The following NCALD variants were observed in gnomAD, a reference collection of about 807,000 sequenced individuals.
NCALD encodes neurocalcin-delta.
A neutral mutation model predicts 18.6 loss-of-function variants in NCALD; 10 were observed. The observed-to-expected ratio is 0.54, with a 90% CI of 0.33 to 0.91. The LOEUF is 0.91. NCALD is among the 40% of genes least tolerant of loss of function. The pLI is 0.03. For missense variants in NCALD, 184 were observed against 247.6 expected, an observed-to-expected ratio of 0.74 and a Z score of 1.72; for synonymous variants, 88 against 87.4, an observed-to-expected ratio of 1.01 and a Z score of -0.04.
At chr8:101,904,656 A>G (rs555725467) in intron 3 of NCALD, among the ~76,000 whole-genome samples, 1 of 151,680 alleles carries the variant, frequency 6.6e-6, no homozygotes. Context: ...TTACAATTCT[A>G]TCTCTCTCCT....
At chr8:101,844,728 G>C (rs1347850673) in intron 4 of NCALD, among the ~76,000 whole-genome samples, 1 of 152,074 alleles carries the variant, frequency 6.6e-6, no homozygotes, top group Non-Finnish European at 1.5e-5. Flanking sequence ...TATAGAGAGA[G>C]GAAAAAGTGA....
intron 4 of NCALD, among the ~76,000 whole-genome samples, chr8:101,879,418 C>G (rs1160406146): frequency 6.6e-6 from 1 of 151,944 alleles, no homozygotes; most frequent in African/African-American, 2.4e-5. Flanking sequence ...GTTCATTTCT[C>G]CCAGTGGCTT....
intron 4 of NCALD, among the ~76,000 whole-genome samples, chr8:101,804,118 C>T (rs1244868417): frequency 2.6e-5 from 4 of 151,660 alleles, no homozygotes; most frequent in Non-Finnish European, 4.4e-5. Flanking sequence ...AAGGCTCAGA[C>T]GATCATTAGT....
chr8:101,787,975 C>T (rs1415480247), intron 1 of NCALD, among the ~76,000 whole-genome samples: 1 of 152,164 alleles, frequency 6.6e-6, no homozygotes, highest in Non-Finnish European at 1.5e-5. Context: ...ATGAGTTTTC[C>T]TCTTAACCCC....
At chr8:102,077,309 G>A (rs1185607918) in intron 1 of NCALD, among the ~76,000 whole-genome samples, 1 of 152,134 alleles carries the variant, frequency 6.6e-6, no homozygotes, top group African/African-American at 2.4e-5. Flanking sequence ...CCTCCACAGG[G>A]TTCAAAATAC....
At chr8:101,699,459 C>T (rs1815157238) in intron 2 of NCALD, among the ~76,000 whole-genome samples, 1 of 152,158 alleles carries the variant, frequency 6.6e-6, no homozygotes, top group African/African-American at 2.4e-5. Context: ...GACACATGCA[C>T]ATGTATGTTT....
intron 2 of NCALD, among the ~76,000 whole-genome samples, chr8:102,017,065 T>C (rs991596979): frequency 6.6e-6 from 1 of 152,036 alleles, no homozygotes; most frequent in African/African-American, 2.4e-5. Context: ...TTTATCCAAA[T>C]TGAAATCGAA....
chr8:101,765,699 G>A (rs1811319723), intron 1 of NCALD, among the ~76,000 whole-genome samples: 1 of 152,066 alleles, frequency 6.6e-6, no homozygotes, highest in African/African-American at 2.4e-5. Context: ...CAACTGGCAG[G>A]GACCGCAACA....
chr8:101,758,461 T>C (rs572750826), intron 1 of NCALD, among the ~76,000 whole-genome samples: 1 of 152,370 alleles, frequency 6.6e-6, no homozygotes, highest in South Asian at 2.1e-4. Flanking sequence ...TTGAGCACTT[T>C]ATATAACACT....
At chr8:101,926,493 TGA>T (rs1818340025) in intron 2 of NCALD, among the ~76,000 whole-genome samples, 1 of 152,214 alleles carries the variant, frequency 6.6e-6, no homozygotes, top group Non-Finnish European at 1.5e-5. Flanking sequence ...GCTCTTTATA[TGA>T]GTTATCCAAT....
At chr8:102,108,440 G>A (rs1825543131) in intron 1 of NCALD, among the ~76,000 whole-genome samples, 1 of 152,190 alleles carries the variant, frequency 6.6e-6, no homozygotes, top group Admixed American at 6.5e-5. Context: ...ATATGCATCG[G>A]TCAAGTCCTC....
At chr8:101,967,488 C>T (rs550462014) in intron 2 of NCALD, among the ~76,000 whole-genome samples, 8 of 152,114 alleles carry the variant, frequency 5.3e-5, no homozygotes, top group Non-Finnish European at 8.8e-5. Context: ...AATATTCAAT[C>T]CAAGTAGTCA....
chr8:102,083,112 A>G (rs1238297334), intron 1 of NCALD, among the ~76,000 whole-genome samples: 1 of 152,232 alleles, frequency 6.6e-6, no homozygotes, highest in East Asian at 1.9e-4. Context: ...CAACACTCAT[A>G]AAAGCAAAAT....
chr8:101,770,683 A>T (rs902387104), intron 1 of NCALD, among the ~76,000 whole-genome samples: 1 of 152,232 alleles, frequency 6.6e-6, no homozygotes, highest in African/African-American at 2.4e-5. Flanking sequence ...CAGACTTCCA[A>T]GTCTTTCTTT....
intron 3 of NCALD, chr8:101,690,961 G>A (rs1299410617): frequency 2.0e-6 from 2 of 985,342 alleles, no homozygotes; most frequent in Non-Finnish European, 2.4e-6. Context: ...TTAACTGTCT[G>A]CATGATTCAG....
intron 1 of NCALD, among the ~76,000 whole-genome samples, chr8:101,744,112 C>A (rs2130720449): frequency 6.6e-6 from 1 of 152,316 alleles, no homozygotes; most frequent in East Asian, 1.9e-4. Context: ...CATCATGCTA[C>A]CTCTGATAGC....
chr8:101,922,489 G>C (rs1818202354), intron 2 of NCALD, among the ~76,000 whole-genome samples: 1 of 152,184 alleles, frequency 6.6e-6, no homozygotes, highest in African/African-American at 2.4e-5. Flanking sequence ...AAATGGGATT[G>C]AAAGAGCAGG....
intron 2 of NCALD, among the ~76,000 whole-genome samples, chr8:101,973,394 A>G (rs899461943): frequency 4.6e-5 from 7 of 152,150 alleles, no homozygotes; most frequent in South Asian, 2.1e-4. Context: ...ATGTTTTTCT[A>G]TACTTAGACT....
At position 102,107,195 on chromosome 8, in the gene NCALD, CATATATATATATATATATATAT is replaced by C. The variant is rs67447416; in HGVS notation, c.-210+17020_-210+17041del. On this transcript the variant is annotated intron_variant, in intron 1 of 6. Transcript: ENST00000311028. ...TATCTACAGCCTATATATGTGTGTA[CATATATATATATATATATATAT>C]ATATATATATATATATATATATACA... is the stretch of plus-strand genomic sequence containing the variant. 5.2e-3 allele frequency among the ~76,000 whole-genome samples: 468 copies of C among 89,308 alleles called. 17 individuals carry two copies. The highest frequency in any genetic ancestry group is 9.7e-3 in the African/African-American group (223 of 23,030). 58.6% of individuals were successfully genotyped at this position (89,308 alleles called of 152,430 possible).
Sources: allele counts gnomAD v4.1 joint callset (sites outside exome capture counted in the v4.1 genomes callset), GRCh38; gene constraint gnomAD v4.1.1; transcripts MANE v1.5; gene names NCBI Gene and HGNC (gene_info 2026-07-23, HGNC 2026-07-21).